Variants in SHISA9 observed in about 807,000 individuals in gnomAD.
SHISA9 encodes shisa family member 9.
A neutral mutation model predicts 38.0 loss-of-function variants in SHISA9; 13 were observed. The ratio of observed to expected loss-of-function variants is 0.34; its 90% CI spans 0.22 to 0.54. The LOEUF (loss-of-function observed/expected upper bound fraction) is 0.54, where lower values mean the gene tolerates loss of function less well. Ranked by LOEUF, SHISA9 falls within the 20% of genes least tolerant of loss-of-function variation. The pLI is 0.91. For synonymous variants in SHISA9, 275 were observed against 242.0 expected, an observed-to-expected ratio of 1.14 and a Z score of -1.27; for missense variants, 538 against 575.8, an observed-to-expected ratio of 0.93 and a Z score of 0.67.
the SHISA9 span, among the ~76,000 whole-genome samples, chr16:13,356,391 C>A: frequency 2.0e-5 from 3 of 152,192 alleles, no homozygotes; most frequent in Admixed American, 6.5e-5. Flanking sequence ...TGAAAAAGAG[C>A]CTAAACGCTT....
At chr16:12,947,109 T>G (rs1263100559) in intron 2 of SHISA9, among the ~76,000 whole-genome samples, 1 of 152,130 alleles carries the variant, frequency 6.6e-6, no homozygotes, top group Non-Finnish European at 1.5e-5. Flanking sequence ...GGTCCCAAGG[T>G]GGGTGTTACT....
At chr16:13,179,863 G>T (rs2050762800) in intron 2 of SHISA9, among the ~76,000 whole-genome samples, 1 of 152,208 alleles carries the variant, frequency 6.6e-6, no homozygotes, top group South Asian at 2.1e-4. Context: ...GGATGTGGGT[G>T]TTTAATTACT....
chr16:13,372,160 T>A, the SHISA9 span, among the ~76,000 whole-genome samples: 8 of 152,204 alleles, frequency 5.3e-5, no homozygotes, highest in Non-Finnish European at 7.3e-5. Context: ...ACCCTCCTTT[T>A]GTGGACTCTA....
chr16:13,224,676 A>AAGTAACC (rs1326328687), intron 4 of SHISA9, among the ~76,000 whole-genome samples: 2 of 152,338 alleles, frequency 1.3e-5, no homozygotes, highest in Non-Finnish European at 2.9e-5. Flanking sequence ...GAGCATACAC[A>AAGTAACC]AGTAACCAAA....
chr16:12,992,148 G>C (rs1487563065), intron 2 of SHISA9, among the ~76,000 whole-genome samples: 2 of 152,078 alleles, frequency 1.3e-5, no homozygotes, highest in African/African-American at 4.8e-5. Flanking sequence ...TTGATGATAA[G>C]TTTAACGCTG....
At chr16:13,184,314 T>A (rs563940352) in intron 2 of SHISA9, among the ~76,000 whole-genome samples, 104 of 152,328 alleles carry the variant, frequency 6.8e-4, no homozygotes, top group Middle Eastern at 6.8e-3. Flanking sequence ...GCAGCTGTAC[T>A]TTCTGCCTCA....
chr16:13,428,765 G>GTTTTTTT, the SHISA9 span, among the ~76,000 whole-genome samples: 2 of 79,372 alleles, frequency 2.5e-5, no homozygotes, highest in African/African-American at 8.1e-5. Flanking sequence ...TTATTTTATT[G>GTTTTTTT]TTTTATTGTT....
the SHISA9 span, among the ~76,000 whole-genome samples, chr16:13,386,379 G>A: frequency 6.6e-6 from 1 of 152,102 alleles, no homozygotes; most frequent in Non-Finnish European, 1.5e-5. Context: ...TTTAATGCGA[G>A]TTCTATGCTG....
At chr16:13,140,046 C>T (rs1299160540) in intron 2 of SHISA9, among the ~76,000 whole-genome samples, 1 of 149,846 alleles carries the variant, frequency 6.7e-6, no homozygotes, top group African/African-American at 2.5e-5. Context: ...ATAGTCCCCT[C>T]CCCTCTCCTC....
chr16:13,062,557 G>C (rs116811186), intron 2 of SHISA9, among the ~76,000 whole-genome samples: 61 of 152,228 alleles, frequency 4.0e-4, no homozygotes, highest in African/African-American at 1.4e-3. Context: ...AAGTGCTGCA[G>C]AGAGTAGTGG....
the SHISA9 span, among the ~76,000 whole-genome samples, chr16:13,455,328 C>G: frequency 6.6e-6 from 1 of 152,178 alleles, no homozygotes; most frequent in Non-Finnish European, 1.5e-5. Flanking sequence ...GGATATGTCT[C>G]TTATTTCTTC....
the SHISA9 span, among the ~76,000 whole-genome samples, chr16:13,489,993 G>T: frequency 6.6e-6 from 1 of 152,150 alleles, no homozygotes; most frequent in Admixed American, 6.5e-5. Context: ...GATACCAGGG[G>T]TCTGGTTAAA....
chr16:13,079,736 G>A lies in SHISA9; in HGVS notation c.692-123658G>A, dbSNP rs182528701. Among the ~76,000 whole-genome samples the A allele has an allele frequency of 7.9e-5, 12 of 152,138 alleles. No individual in the cohort carries two copies. The East Asian group carries it at 1.5e-3, about 20-fold the overall frequency. On this transcript the variant is annotated intron_variant, in intron 2 of 4. Transcript: ENST00000558583. ...TCACAAAAGCAATTTCAGATTACTCGGGTTCCTTGACAAAAATTCTATTGT... is the reference window on the plus strand; with the variant it reads ...TCACAAAAGCAATTTCAGATTACTCAGGTTCCTTGACAAAAATTCTATTGT...
rs180916468 is a variant in SHISA9, at chr16:13,196,133, C to T, written c.692-7261C>T. Among the ~76,000 whole-genome samples the T allele has an allele frequency of 5.2e-3, 702 of 134,752 alleles. 13 individuals are homozygous for T. The highest frequency in any genetic ancestry group is 5.3e-3 in the Non-Finnish European group (341 of 64,414). The allele number at this position is 134,752 out of a possible 152,430, so 88.4% of individuals were successfully genotyped here. A position where few individuals can be genotyped will look rare whatever the true frequency, so the allele number is the denominator to read the frequency against. Reference sequence around the variant, plus strand: ...AAAAAAAAGGCCAGGTGTGGTGGCTCACGCCTGTAATCCCAGCACTTTGAG... The same window carrying T: ...AAAAAAAAGGCCAGGTGTGGTGGCTTACGCCTGTAATCCCAGCACTTTGAG... On this transcript the variant is annotated intron_variant, in intron 2 of 4. Transcript: ENST00000558583.
the SHISA9 span, among the ~76,000 whole-genome samples, chr16:13,494,749 C>A: frequency 1.8e-4 from 28 of 151,984 alleles, no homozygotes; most frequent in Non-Finnish European, 3.4e-4. Context: ...TACAATAGAA[C>A]GCTATATTTT....
At chr16:13,283,262 A>T in the SHISA9 span, among the ~76,000 whole-genome samples, 2 of 152,082 alleles carry the variant, frequency 1.3e-5, no homozygotes, top group African/African-American at 4.8e-5. Flanking sequence ...AACTCAGCTA[A>T]CTTCCACCTC....
At chr16:13,528,278 T>A in the SHISA9 span, among the ~76,000 whole-genome samples, 1 of 152,208 alleles carries the variant, frequency 6.6e-6, no homozygotes, top group South Asian at 2.1e-4. Flanking sequence ...TAACATCATA[T>A]AACCTAAAGA....
chr16:13,513,284 A>T, the SHISA9 span, among the ~76,000 whole-genome samples: 1 of 152,228 alleles, frequency 6.6e-6, no homozygotes, highest in African/African-American at 2.4e-5. Context: ...TCATTAGAGA[A>T]ATGCAAATCA....
intron 2 of SHISA9, among the ~76,000 whole-genome samples, chr16:12,975,011 T>C (rs1215561004): frequency 6.6e-6 from 1 of 152,186 alleles, no homozygotes; most frequent in Non-Finnish European, 1.5e-5. Flanking sequence ...ACATGCACAA[T>C]ATTTTAATTA....
Sources: allele counts gnomAD v4.1 joint callset (sites outside exome capture counted in the v4.1 genomes callset), GRCh38; gene constraint gnomAD v4.1.1; transcripts MANE v1.5; gene names NCBI Gene and HGNC (gene_info 2026-07-23, HGNC 2026-07-21).